The following CHMP7 variants were observed in gnomAD, a reference collection of about 807,000 sequenced individuals.
CHMP7 encodes charged multivesicular body protein 7, also known as CHMP family, member 7.
In CHMP7, 15 loss-of-function variants were observed where a neutral mutation model predicts 53.7. The observed-to-expected ratio is 0.28, with a 90% CI of 0.19 to 0.43. The LOEUF is 0.43. Ranked by LOEUF, CHMP7 falls within the 20% of genes least tolerant of loss-of-function variation. The pLI, the probability that CHMP7 is intolerant of heterozygous loss-of-function variation, is 1.00. For missense variants in CHMP7, 527 were observed against 569.4 expected, an observed-to-expected ratio of 0.93 and a Z score of 0.76; for synonymous variants, 261 against 228.0, an observed-to-expected ratio of 1.14 and a Z score of -1.30.
At chr8:23,254,870 G>A in intron 3 of CHMP7, 1 of 340,428 alleles carries the variant, frequency 2.9e-6, no homozygotes, top group Non-Finnish European at 5.7e-6. Flanking sequence ...ACTGGCCCAA[G>A]GTCACCCAGG....
At chr8:23,259,395 C>G (rs536350201) in intron 9 of CHMP7, among the ~76,000 whole-genome samples, 14 of 150,288 alleles carry the variant, frequency 9.3e-5, no homozygotes, top group African/African-American at 3.4e-4. Flanking sequence ...GAGTCTCACT[C>G]TGTCACCTAG....
intron 6 of CHMP7, 83 bp from the exon 7 acceptor site, chr8:23,258,247 T>C: frequency 1.3e-6 from 2 of 1,581,536 alleles, no homozygotes; most frequent in African/African-American, 1.3e-5. Flanking sequence ...AGCTGGGACA[T>C]CCTTAGCGTC....
intron 5 of CHMP7, 196 bp downstream of exon 5, chr8:23,256,789 C>CTTTTT (rs71210606): frequency 5.8e-5 from 6 of 102,690 alleles, no homozygotes; most frequent in South Asian, 2.5e-4. Flanking sequence ...AATGAGGCCT[C>CTTTTT]TTTTTTTTTT....
chr8:23,259,480 C>T (rs941642555), intron 9 of CHMP7, among the ~76,000 whole-genome samples: 1 of 152,042 alleles, frequency 6.6e-6, no homozygotes, highest in African/African-American at 2.4e-5. Flanking sequence ...CCTGCCTCAG[C>T]CTCCTGAGTA....
Position 23,259,101 on chromosome 8 carries a change from G to C in CHMP7, c.1095G>C (p.Leu365=). ...CCCAGGATGAAGTTTCTCAGACTCT[G>C]GCTGGTGGGGTAACAAATGGCTTAG... is the stretch of plus-strand genomic sequence containing the variant. ...CDTQDEVSQT[L]AGGVTNGLDF... Residue 365 remains leucine, a synonymous_variant, in exon 9 of 11, where the codon CTG becomes CTC. Coordinates refer to ENST00000397677, the MANE Select transcript of CHMP7 (RefSeq NM_152272.5). 2 of 1,606,724 alleles carry C rather than the reference G, an allele frequency of 1.2e-6. No homozygotes were observed. Among genetic ancestry groups the C allele is most frequent in the Non-Finnish European group, 1.7e-6 (2 of 1,173,420 alleles).
rs908608995 is a variant in CHMP7 at position 23,259,517 on chromosome 8, C to T, written c.1120+391C>T. Among the ~76,000 whole-genome samples the T allele has an allele frequency of 5.9e-5, 9 of 152,106 alleles. No homozygotes were observed. In the East Asian group the frequency reaches 1.4e-3, roughly 23 times the overall value. On this transcript the variant is annotated intron_variant, in intron 9 of 10. Transcript: ENST00000397677. ...CTGGGATTATAGGCGCCCGCCACCA[C>T]GCCTGGCTAATTTTTGTATTTTTAG... is the stretch of plus-strand genomic sequence containing the variant.
intron 3 of CHMP7, chr8:23,252,498 T>C (rs1368533009): frequency 6.6e-6 from 1 of 152,178 alleles, no homozygotes; most frequent in East Asian, 1.9e-4. Flanking sequence ...TGTGTTATCT[T>C]TTATGTTAAT....
At position 23,258,334 on chromosome 8, in the gene CHMP7, T is replaced by G; in HGVS notation, c.845T>G (p.Leu282Arg). 1 of 1,614,156 alleles carries G rather than the reference T, an allele frequency of 6.2e-7. No homozygotes were observed. The highest frequency in any genetic ancestry group is 8.5e-7 in the Non-Finnish European group (1 of 1,180,032). The change falls in exon 7 of 11, where the codon CTG (leucine) becomes CGG (arginine). Residue 282 changes from leucine (L) to arginine (R), a missense_variant. Leu to Arg is a moderately radical substitution (Grantham distance 102). Transcript: ENST00000397677. ...ACRAGKKQLA[L>R]RSLKAKQRTE... Reference sequence around the variant, plus strand: ...CCTAAGTCTCCATGCCTCCAGGCACTGAGGTCTCTCAAGGCCAAGCAACGG... The same window carrying G: ...CCTAAGTCTCCATGCCTCCAGGCACGGAGGTCTCTCAAGGCCAAGCAACGG...
intron 2 of CHMP7, among the ~76,000 whole-genome samples, chr8:23,247,354 A>G (rs6981431): frequency 0.1 from 15,466 of 152,204 alleles, 966 homozygotes; most frequent in South Asian, 0.26. Context: ...CAGAAGGTCT[A>G]AGAGATAGGA....
intron 5 of CHMP7, 46 bp downstream of exon 5, chr8:23,256,639 C>T (rs1487150524): frequency 6.4e-7 from 1 of 1,571,360 alleles, no homozygotes; most frequent in East Asian, 2.3e-5. Context: ...TGTTGCTGGC[C>T]CCCAGAGCCA....
At chr8:23,254,839 C>G (rs1439213867) in intron 3 of CHMP7, 2 of 294,718 alleles carry the variant, frequency 6.8e-6, no homozygotes, top group East Asian at 7.9e-5. Context: ...GAGAGTGATA[C>G]TGAGGACTAG....
intron 3 of CHMP7, chr8:23,255,010 C>G: frequency 1.8e-6 from 1 of 567,382 alleles, no homozygotes; most frequent in Non-Finnish European, 3.2e-6. Context: ...GCGTGCAGCG[C>G]AGAGCTGGCT....
intron 1 of CHMP7, among the ~76,000 whole-genome samples, chr8:23,245,902 A>G (rs1042815161): frequency 6.6e-6 from 1 of 152,236 alleles, no homozygotes; most frequent in Non-Finnish European, 1.5e-5. Flanking sequence ...TTGTGGACAT[A>G]CAGTTATTCA....
intron 3 of CHMP7, chr8:23,254,807 G>A (rs903094437): frequency 8.5e-6 from 2 of 235,018 alleles, no homozygotes; most frequent in East Asian, 1.9e-4. Flanking sequence ...GGAATTAGAT[G>A]TCATTTCATC....
At chr8:23,256,067 CT>C (rs1303557511) in intron 4 of CHMP7, among the ~76,000 whole-genome samples, 1 of 152,130 alleles carries the variant, frequency 6.6e-6, no homozygotes, top group Non-Finnish European at 1.5e-5. Flanking sequence ...GCCTATTATA[CT>C]TAATAATGGC....
Position 23,256,606 on chromosome 8 carries a change from C to T in CHMP7, c.791+13C>T. The T allele has an allele frequency of 6.2e-7, 1 of 1,612,402 alleles. No individual in the cohort carries two copies. The highest frequency in any genetic ancestry group is 8.5e-7 in the Non-Finnish European group (1 of 1,178,898). ...AGGAAGCAGAGAGGTAACTTTTAAC[C>T]CTGAACTGAGCCTCCTCCCCACTGT... On this transcript the variant is annotated intron_variant, in intron 5 of 10. Transcript: ENST00000397677.
intron 5 of CHMP7, 141 bp downstream of exon 5, chr8:23,256,734 T>C: frequency 2.0e-6 from 1 of 488,280 alleles, no homozygotes; most frequent in Non-Finnish European, 3.5e-6. Context: ...CACTGCTCAA[T>C]GCAGAAATCA....
chr8:23,244,160 T>A, intron 1 of CHMP7, among the ~76,000 whole-genome samples: 1 of 152,196 alleles, frequency 6.6e-6, no homozygotes, highest in East Asian at 1.9e-4. Context: ...AATAATTACG[T>A]CTAATTTATC....
In CHMP7 at chr8:23,260,566, A is replaced by C; in HGVS notation, c.1329A>C (p.Lys443Asn). ...TGGTCCCAAGCAGTAAATCTCCAAA[A>C]AGGCAATTGGAACCGACTCTAAAGC... The part of the protein sequence containing the change: ...GGLVPSSKSP[K>N]RQLEPTLKPL Residue 443 changes from lysine to asparagine, a missense_variant, in exon 11 of 11, where the codon AAA (lysine) becomes AAC (asparagine). Lys to Asn is a moderately conservative substitution (Grantham distance 94, BLOSUM62 0). Coordinates refer to ENST00000397677, the MANE Select transcript of CHMP7 (RefSeq NM_152272.5). The C allele has an allele frequency of 6.2e-7, 1 of 1,613,984 alleles. No individual in the cohort carries two copies. The highest frequency in any genetic ancestry group is 8.5e-7 in the Non-Finnish European group (1 of 1,179,808).
Sources: gnomAD v4.1 joint callset for allele counts (sites outside exome capture counted in the v4.1 genomes callset) on GRCh38, gnomAD v4.1.1 for gene constraint, MANE v1.5 for transcripts, NCBI Gene and HGNC (gene_info 2026-07-23, HGNC 2026-07-21) for gene names.